CKAP4: variants seen among roughly 807,000 people sequenced by gnomAD.
The protein encoded by CKAP4 is cytoskeleton-associated protein 4.
In CKAP4, 20 loss-of-function variants were observed where a neutral mutation model predicts 24.4. The observed-to-expected ratio is 0.82, with a 90% CI of 0.58 to 1.19. CKAP4 has a LOEUF of 1.19. Among genes scored for constraint, CKAP4 ranks in the 50% most tolerant of loss-of-function variants. CKAP4 has a pLI of 0.00. For synonymous variants in CKAP4, 378 were observed against 351.7 expected, an observed-to-expected ratio of 1.07 and a Z score of -0.84; for missense variants, 744 against 765.3, an observed-to-expected ratio of 0.97 and a Z score of 0.33.
At position 106,238,786 on chromosome 12, in the gene CKAP4, CCT is replaced by C. The variant is rs1184564189; in HGVS notation, c.*236_*237del. 5.9e-6 allele frequency: 3 copies of C among 506,216 alleles called. No homozygotes were observed. The highest frequency in any genetic ancestry group is 3.8e-5 in the African/African-American group (2 of 52,406). 31.4% of individuals were successfully genotyped at this position (506,216 alleles called of 1,614,324 possible). A position where few individuals can be genotyped will look rare whatever the true frequency, so the allele number is the denominator to read the frequency against. On this transcript the variant is annotated 3_prime_UTR_variant, in exon 2 of 2. Transcript: ENST00000378026. ...GACTAGAGACATCCATGAAAAGCCACCTGTTATTCACAGGGGCTGCGCTTCAG... is the reference window on the plus strand; with the variant it reads ...GACTAGAGACATCCATGAAAAGCCACGTTATTCACAGGGGCTGCGCTTCAG...
intron 1 of CKAP4, among the ~76,000 whole-genome samples, chr12:106,245,165 T>C (rs1346896014): frequency 1.3e-5 from 2 of 152,064 alleles, no homozygotes; most frequent in African/African-American, 2.4e-5. Context: ...TTCATCACAG[T>C]CCTTCTCTCA....
In CKAP4 at chr12:106,239,600, G is replaced by GA. The variant is rs780214865; in HGVS notation, c.1232_1233insT (p.Arg412GlnfsTer74). On this transcript the variant is annotated frameshift_variant, in exon 2 of 2. Transcript: ENST00000378026. This position sits in a 1 kb window ranked among gnomAD's most constrained non-coding sequence, Gnocchi z 4.9. ...CCCCATCCTCCACGTGCTGGAGCCT[G>GA]GAGTCCAGTCCCTGACTCTTTTGCT... 1 of 1,614,176 alleles carries GA rather than the reference G, an allele frequency of 6.2e-7. No individual in the cohort carries two copies. Among genetic ancestry groups the GA allele is most frequent in the South Asian group, 1.1e-5 (1 of 91,078 alleles).
At chr12:106,243,162 G>A (rs1340697346) in intron 1 of CKAP4, among the ~76,000 whole-genome samples, 2 of 152,152 alleles carry the variant, frequency 1.3e-5, no homozygotes, top group Non-Finnish European at 1.5e-5. Flanking sequence ...ACATTCAACC[G>A]GACACTTGTG....
rs962602295 is a variant in CKAP4 at position 106,247,377 on chromosome 12, C to G, written c.475G>C (p.Glu159Gln). The G allele has an allele frequency of 6.5e-7, 1 of 1,531,642 alleles. No homozygotes were observed. Among genetic ancestry groups the G allele is most frequent in the South Asian group, 1.2e-5 (1 of 83,794 alleles). 94.9% of individuals were successfully genotyped at this position (1,531,642 alleles called of 1,614,324 possible). The change falls in exon 1 of 2, where the codon GAG becomes CAG. Residue 159 changes from glutamate to glutamine, a missense_variant. This residue lies in a region of CKAP4 where 300 missense variants were observed against 264.5 expected (regional missense o/e 1.13). Transcript: ENST00000378026. The surrounding 1 kb of genome is among the most constrained non-coding windows in gnomAD (Gnocchi z 4.5). ...EELGQGLQGVEQKVQSLQATF... is the reference protein window; with the variant it reads ...EELGQGLQGVQQKVQSLQATF... ...GGGCCGGGGGTACCCACCTTCTGCT[C>G]GACGCCCTGCAAGCCCTGGCCCAGC... is the stretch of plus-strand genomic sequence containing the variant.
rs138744965 is a variant in CKAP4, at chr12:106,238,587, C to T, written c.*437G>A. ...AGTGAGAGATATCTCATAAAAATTT[C>T]GGCCAGAACAAAAAAAAAAGTAAAA... On this transcript the variant is annotated 3_prime_UTR_variant, in exon 2 of 2. Coordinates refer to ENST00000378026, the MANE Select transcript of CKAP4 (RefSeq NM_006825.4). 4.6e-4 allele frequency: 73 copies of T among 158,512 alleles called. No individual in the cohort carries two copies. Among genetic ancestry groups the T allele is most frequent in the African/African-American group, 1.4e-3 (58 of 41,122 alleles). The allele number at this position is 158,512 out of a possible 1,614,324, so 9.8% of individuals were successfully genotyped here. A position where few individuals can be genotyped will look rare whatever the true frequency, so the allele number is the denominator to read the frequency against.
At chr12:106,242,383 T>A (rs2033976398) in intron 1 of CKAP4, among the ~76,000 whole-genome samples, 2 of 152,204 alleles carry the variant, frequency 1.3e-5, no homozygotes, top group South Asian at 4.1e-4. Context: ...TAAACTGAAG[T>A]GGGATGTGAA....
At chr12:106,243,938 C>T (rs1234875993) in intron 1 of CKAP4, among the ~76,000 whole-genome samples, 1 of 152,146 alleles carries the variant, frequency 6.6e-6, no homozygotes, top group Non-Finnish European at 1.5e-5. Context: ...GCATGGCTGA[C>T]CCATAGTGAA....
intron 1 of CKAP4, chr12:106,246,596 G>A (rs1346567274): frequency 6.6e-6 from 1 of 152,176 alleles, no homozygotes; most frequent in African/African-American, 2.4e-5. Flanking sequence ...TAAAAAATTA[G>A]CTGGGTATGG....
chr12:106,241,514 T>C (rs1370800159), intron 1 of CKAP4, among the ~76,000 whole-genome samples: 1 of 152,004 alleles, frequency 6.6e-6, no homozygotes, highest in Non-Finnish European at 1.5e-5. Flanking sequence ...TTGTATTTTT[T>C]AGTAGAGACG....
chr12:106,240,112 GC>G lies in CKAP4; in HGVS notation c.720del (p.Leu241Ter). The G allele has an allele frequency of 6.2e-7, 1 of 1,614,180 alleles. No individual in the cohort carries two copies. On this transcript the variant is annotated frameshift_variant, in exon 2 of 2. Transcript: ENST00000378026. Reference protein sequence around the residue: ...FTSLENTVEERLTELTKSIND... With the variant: ...FTSLENTVEEXLTELTKSIND... The stretch of plus-strand genomic sequence containing the variant: ...TTGATGGATTTGGTGAGCTCCGTCA[GC>G]CGCTCCTCCACCGTGTTCTCCAGGG...
Position 106,247,558 on chromosome 12 carries a change from C to T in CKAP4, c.294G>A (p.Ala98=), listed in dbSNP as rs1329033116. The change falls in exon 1 of 2, where the codon GCG becomes GCA. Residue 98 remains alanine (A), a synonymous_variant. Transcript: ENST00000378026. This position sits in a 1 kb window ranked among gnomAD's most constrained non-coding sequence, Gnocchi z 4.5. Reference sequence around the variant, plus strand: ...CCCTGCCGAGCCTGCGCGAGCAGGACGCCGAGGACGAGGCGGCGGCGGCGG... The same window carrying T: ...CCCTGCCGAGCCTGCGCGAGCAGGATGCCGAGGACGAGGCGGCGGCGGCGG... ...AAAAAAASSS[A]SCSRRLGRAL... is the part of the protein sequence containing the mutation. The T allele has an allele frequency of 6.9e-7, 1 of 1,451,268 alleles. No homozygotes were observed. Among genetic ancestry groups the T allele is most frequent in the Non-Finnish European group, 9.1e-7 (1 of 1,100,184 alleles). 89.9% of individuals were successfully genotyped at this position (1,451,268 alleles called of 1,614,324 possible).
At position 106,239,824 on chromosome 12, in the gene CKAP4, C is replaced by T; in HGVS notation, c.1009G>A (p.Ala337Thr). 2 of 1,614,104 alleles carry T rather than the reference C, an allele frequency of 1.2e-6. No individual in the cohort carries two copies. Among genetic ancestry groups the T allele is most frequent in the Non-Finnish European group, 1.7e-6 (2 of 1,180,012 alleles). ...TCCGTGTCGGCCGCCTCCTTGAAAG[C>T]CTGCTGCTCCTGCTTGAGGCTCACC... The part of the protein sequence containing the change: ...ELVSLKQEQQ[A>T]FKEAADTERL... The change falls in exon 2 of 2, where the codon GCT becomes ACT. Residue 337 changes from alanine (A) to threonine (T), a missense_variant. Physicochemically the swap from Ala to Thr is moderately conservative, Grantham distance 58 (BLOSUM62 0). This residue lies in a region of CKAP4 where 401 missense variants were observed against 424.5 expected (regional missense o/e 0.94). Coordinates refer to ENST00000378026, the MANE Select transcript of CKAP4 (RefSeq NM_006825.4). The surrounding 1 kb of genome is among the most constrained non-coding windows in gnomAD (Gnocchi z 4.9).
Position 106,247,660 on chromosome 12 carries a change from G to A in CKAP4, c.192C>T (p.His64=), listed in dbSNP as rs1243279654. ...HPQQHPQNQA[H]GKGGHRGGGG... is the part of the protein sequence containing the mutation. ...CGCCGCCGCGGTGGCCGCCCTTGCC[G>A]TGCGCCTGGTTCTGCGGGTGCTGCT... Residue 64 remains histidine, a synonymous_variant, in exon 1 of 2, where the codon CAC becomes CAT. Transcript: ENST00000378026. This position sits in a 1 kb window ranked among gnomAD's most constrained non-coding sequence, Gnocchi z 4.5. The A allele has an allele frequency of 3.6e-6, 4 of 1,108,168 alleles. No homozygotes were observed. Among genetic ancestry groups the A allele is most frequent in the South Asian group, 2.5e-5 (1 of 39,806 alleles). The allele number at this position is 1,108,168 out of a possible 1,614,324, so 68.6% of individuals were successfully genotyped here.
Position 106,247,829 on chromosome 12 carries a change from C to T in CKAP4, c.23G>A (p.Gly8Asp). Residue 8 changes from glycine to aspartate, a missense_variant, in exon 1 of 2, where the codon GGC (glycine) becomes GAC (aspartate). By Grantham distance (94) the Gly-to-Asp change is moderately conservative (BLOSUM62 -1). This residue lies in a region of CKAP4 where 300 missense variants were observed against 264.5 expected (regional missense o/e 1.13). Transcript: ENST00000378026. This position sits in a 1 kb window ranked among gnomAD's most constrained non-coding sequence, Gnocchi z 4.5. MPSAKQR[G>D]SKGGHGAASP... The stretch of plus-strand genomic sequence containing the variant: ...CGCGGCGCCGTGGCCGCCCTTGGAG[C>T]CCCTTTGTTTGGCCGAGGGCATGGC... The T allele has an allele frequency of 9.5e-7, 1 of 1,048,512 alleles. No individual in the cohort carries two copies. The allele number at this position is 1,048,512 out of a possible 1,614,324, so 65.0% of individuals were successfully genotyped here.
chr12:106,239,393 C>A lies in CKAP4; in HGVS notation c.1440G>T (p.Leu480=). 6.2e-7 allele frequency: 1 copy of A among 1,600,490 alleles called. No individual in the cohort carries two copies. The highest frequency in any genetic ancestry group is 8.5e-7 in the Non-Finnish European group (1 of 1,177,716). The change falls in exon 2 of 2, where the codon CTG becomes CTT. Residue 480 remains leucine (L), a synonymous_variant. Transcript: ENST00000378026. This position sits in a 1 kb window ranked among gnomAD's most constrained non-coding sequence, Gnocchi z 4.9. ...GCTCCTCCACGTCACCGTAGAGCAC[C>A]AGCTGGGTCTCGCCCAGGCTCCTCA... is the stretch of plus-strand genomic sequence containing the variant. The part of the protein sequence containing the change: ...STVRSLGETQ[L]VLYGDVEELK...
chr12:106,244,230 G>A (rs1055740159), intron 1 of CKAP4, among the ~76,000 whole-genome samples: 3 of 152,216 alleles, frequency 2.0e-5, no homozygotes, highest in African/African-American at 7.2e-5. Flanking sequence ...ATAGTGGAGT[G>A]GTTAATAGTG....
chr12:106,244,508 G>A (rs902748880), intron 1 of CKAP4, among the ~76,000 whole-genome samples: 2 of 152,220 alleles, frequency 1.3e-5, no homozygotes, highest in Admixed American at 6.5e-5. Context: ...TCAGCCAGGC[G>A]CAGTGGCTCA....
At position 106,247,886 on chromosome 12, in the gene CKAP4, G is replaced by A. The variant is rs1312998716; in HGVS notation, c.-35C>T. The stretch of plus-strand genomic sequence containing the variant: ...GGCGGCGGCTCGGGCCGCGGGCTGG[G>A]AGGCGAGCGAGCGCGGCGCGCGGCC... On this transcript the variant is annotated 5_prime_UTR_variant, in exon 1 of 2. Transcript: ENST00000378026. This position sits in a 1 kb window ranked among gnomAD's most constrained non-coding sequence, Gnocchi z 4.5. 2.9e-6 allele frequency: 3 copies of A among 1,020,140 alleles called. No individual in the cohort carries two copies. Among genetic ancestry groups the A allele is most frequent in the Non-Finnish European group, 2.3e-6 (2 of 853,438 alleles). The allele number at this position is 1,020,140 out of a possible 1,614,324, so 63.2% of individuals were successfully genotyped here. A position where few individuals can be genotyped will look rare whatever the true frequency, so the allele number is the denominator to read the frequency against.
Position 106,238,650 on chromosome 12 carries a change from C to A in CKAP4, c.*374G>T. 1 of 178,242 alleles carries A rather than the reference C, an allele frequency of 5.6e-6. No individual in the cohort carries two copies. The highest frequency in any genetic ancestry group is 1.2e-5 in the Non-Finnish European group (1 of 86,114). 11.0% of individuals were successfully genotyped at this position (178,242 alleles called of 1,614,324 possible). ...AAAGACAACTAGAAAGAAAAGGGTC[C>A]CCCCAACCCACCTTTTTTTTTTTTT... On this transcript the variant is annotated 3_prime_UTR_variant, in exon 2 of 2. Transcript: ENST00000378026.
Sources: gnomAD v4.1 joint callset for allele counts (sites outside exome capture counted in the v4.1 genomes callset) on GRCh38, gnomAD v4.1.1 for gene constraint, gnomAD v4.1.1 regional missense constraint, Gnocchi (gnomAD v3.1) non-coding constraint, MANE v1.5 for transcripts, NCBI Gene and HGNC (gene_info 2026-07-23, HGNC 2026-07-21) for gene names.